Variants in GRAMD1B observed in about 807,000 individuals in gnomAD.
The protein encoded by GRAMD1B is GRAM domain containing 1B.
Under a neutral mutation model 99.7 loss-of-function variants are expected in GRAMD1B, and 37 were observed. That is an observed-to-expected ratio of 0.37 (90% CI 0.29 to 0.49). The LOEUF is 0.49. Ranked by LOEUF, GRAMD1B falls within the 20% of genes least tolerant of loss-of-function variation. The probability of loss-of-function intolerance (pLI) is 0.98; values close to 1 mark genes in which losing one functional copy is unlikely to be tolerated. For missense variants in GRAMD1B, 888 were observed against 1,009.2 expected, an observed-to-expected ratio of 0.88 and a Z score of 1.63; for synonymous variants, 427 against 387.6, an observed-to-expected ratio of 1.10 and a Z score of -1.19.
chr11:123,501,984 A>G (rs1321331915), intron 2 of GRAMD1B, among the ~76,000 whole-genome samples: 1 of 152,232 alleles, frequency 6.6e-6, no homozygotes, highest in African/African-American at 2.4e-5. Context: ...GAAGCCCCAT[A>G]GGTATTTGCA....
chr11:123,395,134 C>A (rs7105884), intron 1 of GRAMD1B, among the ~76,000 whole-genome samples: 68,738 of 152,024 alleles, frequency 0.45, 20,356 homozygotes, highest in African/African-American at 0.85. Flanking sequence ...CTCATTTAGC[C>A]AGGATCTCAA....
chr11:123,397,374 T>C (rs1947503361), intron 1 of GRAMD1B, among the ~76,000 whole-genome samples: 1 of 151,974 alleles, frequency 6.6e-6, no homozygotes, highest in South Asian at 2.1e-4. Flanking sequence ...GCCATTGCAC[T>C]CCAGCCTGGG....
intron 17 of GRAMD1B, among the ~76,000 whole-genome samples, chr11:123,616,214 C>T (rs919148782): frequency 1.3e-5 from 2 of 151,986 alleles, no homozygotes; most frequent in African/African-American, 2.4e-5. Flanking sequence ...CCCAGCTACT[C>T]GGGAGGCTGA....
intron 1 of GRAMD1B, among the ~76,000 whole-genome samples, chr11:123,423,615 G>A (rs1055546419): frequency 6.6e-6 from 1 of 152,128 alleles, no homozygotes; most frequent in African/African-American, 2.4e-5. Context: ...TGTTGTCTCA[G>A]AGGTCATCAA....
intron 19 of GRAMD1B, 47 bp from the exon 20 acceptor site, chr11:123,622,459 A>G (rs1185849529): frequency 3.4e-6 from 4 of 1,169,924 alleles, no homozygotes; most frequent in South Asian, 2.6e-5. Flanking sequence ...GGAGAATCCC[A>G]CTAAAAGCGC....
intron 2 of GRAMD1B, chr11:123,560,150 T>G (rs1260759793): frequency 1.7e-5 from 16 of 968,954 alleles, no homozygotes; most frequent in Non-Finnish European, 2.0e-5. Flanking sequence ...ACCAAAGAGT[T>G]GCATTATGTA....
intron 7 of GRAMD1B, chr11:123,598,566 A>G (rs1463074131): frequency 3.0e-5 from 47 of 1,554,672 alleles, no homozygotes; most frequent in Admixed American, 6.7e-5. Context: ...AGAGGTATCA[A>G]GTGACTCTAG....
intron 2 of GRAMD1B, among the ~76,000 whole-genome samples, chr11:123,531,642 C>T (rs939950835): frequency 6.6e-6 from 1 of 151,078 alleles, no homozygotes; most frequent in African/African-American, 2.4e-5. Context: ...CTTCTCATCT[C>T]TTGCTGAATT....
intron 1 of GRAMD1B, among the ~76,000 whole-genome samples, chr11:123,386,074 T>G (rs1947047300): frequency 6.6e-6 from 1 of 152,164 alleles, no homozygotes; most frequent in Non-Finnish European, 1.5e-5. Context: ...GAATTCTAGT[T>G]TTTTACCTAG....
intron 1 of GRAMD1B, chr11:123,431,963 G>A: frequency 2.5e-6 from 1 of 398,026 alleles, no homozygotes; most frequent in Non-Finnish European, 4.4e-6. Context: ...AGGGCAGGGA[G>A]TCCTCACTTG....
intron 3 of GRAMD1B, chr11:123,578,374 A>G (rs1948963586): frequency 6.6e-7 from 1 of 1,507,272 alleles, no homozygotes; most frequent in Non-Finnish European, 8.9e-7. Flanking sequence ...CTTCCCCACC[A>G]TTTCCCAAAT....
In GRAMD1B at chr11:123,624,582, G is replaced by A. The variant is rs1307908553; in HGVS notation, c.*1987G>A. ...TTGTTCAGTTCTTGTCCAGGCCTTT[G>A]GGTGAGGGACACTGGTAGGGATCAA... On this transcript the variant is annotated 3_prime_UTR_variant, in exon 20 of 20. Transcript: ENST00000635736. 6.6e-6 allele frequency: 1 copy of A among 152,196 alleles called. No homozygotes were observed. Among genetic ancestry groups the A allele is most frequent in the Non-Finnish European group, 1.5e-5 (1 of 68,066 alleles). 9.4% of individuals were successfully genotyped at this position (152,196 alleles called of 1,614,324 possible). A position where few individuals can be genotyped will look rare whatever the true frequency, so the allele number is the denominator to read the frequency against.
At chr11:123,611,458 T>G (rs763862109) in intron 14 of GRAMD1B, among the ~76,000 whole-genome samples, 20 of 152,054 alleles carry the variant, frequency 1.3e-4, no homozygotes, top group Non-Finnish European at 2.9e-4. Context: ...CTGCATCTTT[T>G]TCATTCTCTT....
chr11:123,559,788 G>GAGGC, intron 2 of GRAMD1B: 1 of 555,570 alleles, frequency 1.8e-6, no homozygotes, highest in Non-Finnish European at 2.3e-6. Context: ...CTACACTGAA[G>GAGGC]AGGCCCTCGG....
intron 3 of GRAMD1B, among the ~76,000 whole-genome samples, chr11:123,583,597 T>G (rs2136330912): frequency 6.6e-6 from 1 of 152,292 alleles, no homozygotes; most frequent in South Asian, 2.1e-4. Flanking sequence ...CCTGTTCCCC[T>G]GAGACACATT....
intron 1 of GRAMD1B, among the ~76,000 whole-genome samples, chr11:123,405,587 C>G (rs987851055): frequency 1.3e-5 from 2 of 152,122 alleles, no homozygotes; most frequent in Non-Finnish European, 2.9e-5. Flanking sequence ...GTTGCTTGGA[C>G]TGGACTCTTG....
intron 3 of GRAMD1B, chr11:123,578,525 G>C: frequency 2.3e-6 from 2 of 879,304 alleles, no homozygotes; most frequent in South Asian, 2.8e-5. Flanking sequence ...TGCCGATTCT[G>C]GCCCTTATAT....
chr11:123,506,187 T>C (rs1940406044), intron 2 of GRAMD1B, among the ~76,000 whole-genome samples: 1 of 152,194 alleles, frequency 6.6e-6, no homozygotes, highest in Admixed American at 6.5e-5. Flanking sequence ...GGGAGGTTGA[T>C]GTGACCAGGG....
intron 3 of GRAMD1B, among the ~76,000 whole-genome samples, chr11:123,583,663 G>A (rs1261842392): frequency 6.6e-6 from 1 of 152,086 alleles, no homozygotes; most frequent in East Asian, 1.9e-4. Context: ...CTGGAGCTGG[G>A]GTGGGGTCTG....
Sources: allele counts gnomAD v4.1 joint callset (sites outside exome capture counted in the v4.1 genomes callset), GRCh38; gene constraint gnomAD v4.1.1; transcripts MANE v1.5; gene names NCBI Gene and HGNC (gene_info 2026-07-23, HGNC 2026-07-21).